CWH43: variants seen among roughly 807,000 people sequenced by gnomAD.
The protein encoded by CWH43 is cell wall biogenesis 43 C-terminal homolog.
Under a neutral mutation model 85.7 loss-of-function variants are expected in CWH43, and 91 were observed. That is an observed-to-expected ratio of 1.06 (90% CI 0.90 to 1.26). The LOEUF is 1.26. CWH43 is among the 50% of genes most tolerant of loss of function. CWH43 has a pLI of 0.00. For missense variants in CWH43, 869 were observed against 839.2 expected (o/e 1.04, Z -0.44); for synonymous variants, 323 against 293.6 (o/e 1.10, Z -1.02).
rs113169520 is a variant in CWH43 at position 49,016,932 on chromosome 4, G to A, written c.1187-317G>A. On this transcript the variant is annotated intron_variant, in intron 8 of 15. Coordinates refer to ENST00000226432, the MANE Select transcript of CWH43 (RefSeq NM_025087.3). ...GATTATGCCAGGGCTGATCTCCCCA[G>A]TAAAGGCCCCATTAGTCACTTTGTA... 4.8e-5 allele frequency: 38 copies of A among 784,300 alleles called. 1 individual carries two copies. Among genetic ancestry groups the A allele is most frequent in the African/African-American group, 3.0e-4 (18 of 59,234 alleles). 48.6% of individuals were successfully genotyped at this position (784,300 alleles called of 1,614,324 possible).
chr4:49,014,129 A>G (rs1343652089), intron 8 of CWH43, among the ~76,000 whole-genome samples: 1 of 152,178 alleles, frequency 6.6e-6, no homozygotes. Context: ...ATTATATAAA[A>G]ACCTTCATAT....
intron 8 of CWH43, among the ~76,000 whole-genome samples, chr4:49,013,264 G>A (rs192963127): frequency 6.6e-6 from 1 of 152,378 alleles, no homozygotes; most frequent in Admixed American, 6.5e-5. Context: ...CACTAGCAGT[G>A]AGCAAGGCTC....
At position 48,992,196 on chromosome 4, in the gene CWH43, A is replaced by G. The variant is rs1184628513; in HGVS notation, c.511+106A>G. On this transcript the variant is annotated intron_variant, in intron 4 of 15. Transcript: ENST00000226432. The surrounding 1 kb of genome is among the most constrained non-coding windows in gnomAD (Gnocchi z 4.3). Reference sequence around the variant, plus strand: ...TATAAAAGTAGTCTTTCTGCATTATATCTATATTTCAGCTTTTTCTTCCTC... The same window carrying G: ...TATAAAAGTAGTCTTTCTGCATTATGTCTATATTTCAGCTTTTTCTTCCTC... The G allele has an allele frequency of 1.1e-5, 11 of 1,001,078 alleles. No homozygotes were observed. The East Asian group carries it at 2.0e-4, about 18-fold the overall frequency. The allele number at this position is 1,001,078 out of a possible 1,614,324, so 62.0% of individuals were successfully genotyped here. A position where few individuals can be genotyped will look rare whatever the true frequency, so the allele number is the denominator to read the frequency against.
At chr4:49,015,708 G>A (rs1472631817) in intron 8 of CWH43, among the ~76,000 whole-genome samples, 3 of 152,006 alleles carry the variant, frequency 2.0e-5, no homozygotes, top group Non-Finnish European at 4.4e-5. Flanking sequence ...TTCCATTGCT[G>A]TTAACCTCTT....
chr4:49,061,122 C>A (rs149240806), intron 15 of CWH43, among the ~76,000 whole-genome samples: 1 of 152,166 alleles, frequency 6.6e-6, no homozygotes, highest in Non-Finnish European at 1.5e-5. Context: ...CTAAGGAATT[C>A]TTATCTGTTT....
chr4:48,989,339 A>G (rs2109737839), intron 2 of CWH43, among the ~76,000 whole-genome samples: 1 of 152,316 alleles, frequency 6.6e-6, no homozygotes, highest in Middle Eastern at 3.4e-3. Flanking sequence ...ACTGTGCAGT[A>G]GGGGTGGGGA....
At chr4:49,028,496 A>C in intron 9 of CWH43, 133 bp from the exon 10 acceptor site, 1 of 595,928 alleles carries the variant, frequency 1.7e-6, no homozygotes, top group East Asian at 2.9e-5. Context: ...TTCATGGATT[A>C]AATGTGGGAA....
intron 1 of CWH43, among the ~76,000 whole-genome samples, chr4:48,987,476 A>G (rs1782532049): frequency 6.6e-6 from 1 of 151,926 alleles, no homozygotes; most frequent in African/African-American, 2.4e-5. Context: ...AGTTAGGGCA[A>G]CTCTGACATT....
At chr4:49,043,165 C>A (rs527752588) in intron 13 of CWH43, among the ~76,000 whole-genome samples, 1 of 152,298 alleles carries the variant, frequency 6.6e-6, no homozygotes, top group South Asian at 2.1e-4. Context: ...AGAGTGATAT[C>A]TATGGAATCA....
At chr4:49,028,385 A>G (rs1457418731) in intron 9 of CWH43, among the ~76,000 whole-genome samples, 1 of 152,184 alleles carries the variant, frequency 6.6e-6, no homozygotes, top group East Asian at 1.9e-4. Flanking sequence ...AGTGCTTATT[A>G]CAAAACTCAC....
intron 12 of CWH43, 131 bp from the exon 13 acceptor site, chr4:49,037,905 C>A: frequency 1.5e-6 from 1 of 680,022 alleles, no homozygotes; most frequent in East Asian, 2.6e-5. Flanking sequence ...AATGTTAAGA[C>A]AGTTGCCCGA....
rs749406472 is a variant in CWH43 at position 49,003,920 on chromosome 4, T to C, written c.988T>C (p.Cys330Arg). 1 of 1,613,744 alleles carries C rather than the reference T, an allele frequency of 6.2e-7. No homozygotes were observed. Among genetic ancestry groups the C allele is most frequent in the African/African-American group, 1.3e-5 (1 of 74,936 alleles). The change falls in exon 7 of 16, where the codon TGT (cysteine) becomes CGT (arginine). Residue 330 changes from cysteine to arginine, a missense_variant. By Grantham distance (180) the Cys-to-Arg change is radical. Coordinates refer to ENST00000226432, the MANE Select transcript of CWH43 (RefSeq NM_025087.3). ...ATTTTATCTTCTAGAAATATTTTTC[T>C]GTGCCTGGTGCACAGCTTTTAAGTT... is the stretch of plus-strand genomic sequence containing the variant. ...MIFYLLEIFF[C>R]AWCTAFKFVP...
intron 6 of CWH43, among the ~76,000 whole-genome samples, chr4:49,002,271 A>G (rs929962818): frequency 1.4e-4 from 22 of 152,202 alleles, no homozygotes; most frequent in African/African-American, 5.3e-4. Flanking sequence ...CTGTTGTTTT[A>G]AAAGCTTGAC....
chr4:49,016,940 C>T (rs1426941066), intron 8 of CWH43: 1 of 783,904 alleles, frequency 1.3e-6, no homozygotes, highest in Non-Finnish European at 2.4e-6. Context: ...CAGTAAAGGC[C>T]CCATTAGTCA....
intron 14 of CWH43, among the ~76,000 whole-genome samples, chr4:49,046,365 C>CCAG (rs772949574): frequency 1.9e-4 from 29 of 151,678 alleles, no homozygotes; most frequent in Non-Finnish European, 3.5e-4. Flanking sequence ...TTACTAAATC[C>CCAG]TCTTTATGTA....
chr4:49,037,444 C>T (rs1784293647), intron 12 of CWH43, among the ~76,000 whole-genome samples: 1 of 152,128 alleles, frequency 6.6e-6, no homozygotes. Context: ...GTAGTGTGCA[C>T]CTGTCATGCC....
intron 9 of CWH43, among the ~76,000 whole-genome samples, chr4:49,020,348 ATTTTATTCATTT>A (rs1291430022): frequency 6.8e-6 from 1 of 147,796 alleles, no homozygotes; most frequent in African/African-American, 2.5e-5. Flanking sequence ...AAATGCCATT[ATTTTATTCATTT>A]TTTATGGCTG....
At chr4:49,020,525 G>A (rs1285382220) in intron 9 of CWH43, among the ~76,000 whole-genome samples, 1 of 152,006 alleles carries the variant, frequency 6.6e-6, no homozygotes, top group Non-Finnish European at 1.5e-5. Context: ...ACATGTATGT[G>A]TGAGTATCTT....
At chr4:48,994,951 G>T in intron 5 of CWH43, 131 bp downstream of exon 5, 1 of 790,984 alleles carries the variant, frequency 1.3e-6, no homozygotes, top group Non-Finnish European at 2.2e-6. Context: ...TCAGAATGTG[G>T]CATGAAATTA....
Sources: gnomAD v4.1 joint callset for allele counts (sites outside exome capture counted in the v4.1 genomes callset) on GRCh38, gnomAD v4.1.1 for gene constraint, Gnocchi (gnomAD v3.1) non-coding constraint, MANE v1.5 for transcripts, NCBI Gene and HGNC (gene_info 2026-07-23, HGNC 2026-07-21) for gene names.